CCDC60: variants seen among roughly 807,000 people sequenced by gnomAD.
CCDC60 encodes coiled-coil domain containing 60, also known as coiled-coil domain-containing protein 60.
Under a neutral mutation model 63.5 loss-of-function variants are expected in CCDC60, and 54 were observed. The observed-to-expected ratio is 0.85, with a 90% CI of 0.68 to 1.07. The LOEUF is 1.07. Among genes scored for constraint, CCDC60 ranks in the 50% least tolerant of loss-of-function variants. CCDC60 has a pLI of 0.00. For missense variants in CCDC60, 651 were observed against 684.3 expected (o/e 0.95, Z 0.54); for synonymous variants, 206 against 238.8 (o/e 0.86, Z 1.27).
chr12:119,358,763 A>G (rs886998439), intron 1 of CCDC60, among the ~76,000 whole-genome samples: 8 of 152,182 alleles, frequency 5.3e-5, no homozygotes, highest in African/African-American at 1.7e-4. Context: ...ATTTTTGTGC[A>G]TAACTGTCAT....
At chr12:119,462,611 G>C (rs1233280871) in intron 2 of CCDC60, among the ~76,000 whole-genome samples, 1 of 152,050 alleles carries the variant, frequency 6.6e-6, no homozygotes, top group South Asian at 2.1e-4. Flanking sequence ...AAATGACCGA[G>C]ATGCAGAGGT....
In CCDC60 at chr12:119,395,523, G is replaced by T. The variant is rs77144912; in HGVS notation, c.91-33160G>T. Reference sequence around the variant, plus strand: ...TGTGGTAACTCACTATCATGAGAACGGCACCAGAGGGGAAATCCACCCTCA... The same window carrying T: ...TGTGGTAACTCACTATCATGAGAACTGCACCAGAGGGGAAATCCACCCTCA... On this transcript the variant is annotated intron_variant, in intron 1 of 13. Transcript: ENST00000327554. Among the ~76,000 whole-genome samples, 1,149 of 152,228 alleles carry T rather than the reference G, an allele frequency of 7.5e-3. 16 individuals are homozygous for T. Among genetic ancestry groups the T allele is most frequent in the African/African-American group, 0.026 (1,095 of 41,520 alleles).
chr12:119,505,231 G>T lies in CCDC60; in HGVS notation c.811G>T (p.Val271Leu). The T allele has an allele frequency of 1.2e-6, 2 of 1,613,864 alleles. No individual in the cohort carries two copies. The highest frequency in any genetic ancestry group is 2.2e-5 in the South Asian group (2 of 91,078). Residue 271 changes from valine (V) to leucine (L), a missense_variant, in exon 7 of 14, where the codon GTG (valine) becomes TTG (leucine). Transcript: ENST00000327554. ...SDEPPSVNTQ[V>L]TSSKDIEDNE... is the part of the protein sequence containing the mutation. Reference sequence around the variant, plus strand: ...TGAGCCCCCAAGTGTGAACACCCAGGTGACCAGCAGCAAGGACATTGAGGA... The same window carrying T: ...TGAGCCCCCAAGTGTGAACACCCAGTTGACCAGCAGCAAGGACATTGAGGA...
chr12:119,521,548 A>T (rs1952530242), intron 9 of CCDC60, among the ~76,000 whole-genome samples: 1 of 152,138 alleles, frequency 6.6e-6, no homozygotes, highest in Non-Finnish European at 1.5e-5. Flanking sequence ...TGTTCCAAGC[A>T]GGGGGAATAG....
intron 2 of CCDC60, among the ~76,000 whole-genome samples, chr12:119,467,076 TATAA>T (rs1950966335): frequency 6.6e-6 from 1 of 152,232 alleles, no homozygotes; most frequent in African/African-American, 2.4e-5. Flanking sequence ...TAAAAGTGGG[TATAA>T]ATATGACTGC....
chr12:119,479,565 C>T lies in CCDC60; in HGVS notation c.449+364C>T, dbSNP rs1045949733. ...CCCCAAGACTCAAGGAGCTGTTTCC[C>T]AGAGAAGCCCATCCAGTTTTCTGAC... On this transcript the variant is annotated intron_variant, in intron 4 of 13. Coordinates refer to ENST00000327554, the MANE Select transcript of CCDC60 (RefSeq NM_178499.5). 2.4e-5 allele frequency: 5 copies of T among 211,672 alleles called. 1 individual carries two copies. The highest frequency in any genetic ancestry group is 2.8e-5 in the Non-Finnish European group (3 of 105,710). The allele number at this position is 211,672 out of a possible 1,614,324, so 13.1% of individuals were successfully genotyped here.
chr12:119,347,721 C>T (rs1167015843), intron 1 of CCDC60, among the ~76,000 whole-genome samples: 1 of 152,162 alleles, frequency 6.6e-6, no homozygotes, highest in African/African-American at 2.4e-5. Flanking sequence ...GAATACCATT[C>T]TAATACTTAC....
chr12:119,393,714 C>T (rs1181507651), intron 1 of CCDC60, among the ~76,000 whole-genome samples: 3 of 152,192 alleles, frequency 2.0e-5, no homozygotes, highest in African/African-American at 7.2e-5. Context: ...AGTGGCAACT[C>T]GTGCCCACAC....
At chr12:119,417,923 T>C (rs1956732188) in intron 1 of CCDC60, among the ~76,000 whole-genome samples, 1 of 152,122 alleles carries the variant, frequency 6.6e-6, no homozygotes, top group Non-Finnish European at 1.5e-5. Flanking sequence ...TTCACTGACA[T>C]TTACGGAAGA....
chr12:119,415,685 G>T (rs1373185420), intron 1 of CCDC60, among the ~76,000 whole-genome samples: 1 of 152,170 alleles, frequency 6.6e-6, no homozygotes, highest in Non-Finnish European at 1.5e-5. Context: ...GAAAAGACTG[G>T]AGAGCTCTCT....
chr12:119,512,584 T>C (rs1476498747), intron 7 of CCDC60, among the ~76,000 whole-genome samples: 1 of 152,210 alleles, frequency 6.6e-6, no homozygotes, highest in Non-Finnish European at 1.5e-5. Flanking sequence ...GATAGCATTC[T>C]TCCAGAACCC....
chr12:119,457,731 T>C (rs1950774755), intron 2 of CCDC60, among the ~76,000 whole-genome samples: 1 of 151,936 alleles, frequency 6.6e-6, no homozygotes, highest in African/African-American at 2.4e-5. Flanking sequence ...GGGAGAATAA[T>C]ACAACACATC....
intron 1 of CCDC60, among the ~76,000 whole-genome samples, chr12:119,417,771 C>A (rs1456434584): frequency 3.3e-5 from 5 of 152,198 alleles, no homozygotes; most frequent in Non-Finnish European, 7.3e-5. Flanking sequence ...GTAGGTTCTG[C>A]TGGGCCACAA....
intron 7 of CCDC60, among the ~76,000 whole-genome samples, chr12:119,509,039 C>G (rs1314445803): frequency 6.6e-6 from 1 of 152,034 alleles, no homozygotes; most frequent in East Asian, 1.9e-4. Context: ...CTCTAGGCAC[C>G]TGCAACACTG....
rs190247481 is a variant in CCDC60, at chr12:119,433,038, T to C, written c.170+4276T>C. Among the ~76,000 whole-genome samples, 17 of 152,318 alleles carry C rather than the reference T, an allele frequency of 1.1e-4. No individual in the cohort carries two copies. In the East Asian group the frequency reaches 2.5e-3, roughly 22 times the overall value. The stretch of plus-strand genomic sequence containing the variant: ...AACAAATCTCTTCCCAGCTCTGTGT[T>C]CACTGACGTCACCACTTTGGTAGCT... On this transcript the variant is annotated intron_variant, in intron 2 of 13. Transcript: ENST00000327554.
At chr12:119,364,342 C>G (rs1955819948) in intron 1 of CCDC60, among the ~76,000 whole-genome samples, 1 of 152,142 alleles carries the variant, frequency 6.6e-6, no homozygotes, top group South Asian at 2.1e-4. Context: ...TTTATAGTCC[C>G]CAAAAGACCT....
chr12:119,441,825 C>A lies in CCDC60; in HGVS notation c.170+13063C>A, dbSNP rs1168578968. 2.0e-5 allele frequency among the ~76,000 whole-genome samples: 3 copies of A among 152,256 alleles called. No individual in the cohort carries two copies. In the East Asian group the frequency reaches 5.8e-4, roughly 29 times the overall value. ...CATTTGGGTCATTTCCACTTTAAAG[C>A]CATTATGAATAAAGCTGCTATGAAC... is the stretch of plus-strand genomic sequence containing the variant. On this transcript the variant is annotated intron_variant, in intron 2 of 13. Coordinates refer to ENST00000327554, the MANE Select transcript of CCDC60 (RefSeq NM_178499.5).
chr12:119,477,897 C>T lies in CCDC60; in HGVS notation c.342-1197C>T, dbSNP rs1593144783. 2.0e-5 allele frequency among the ~76,000 whole-genome samples: 3 copies of T among 151,936 alleles called. No homozygotes were observed. In the South Asian group the frequency reaches 6.2e-4, roughly 32 times the overall value. ...AAAATACAGACAATTGATTCAATTG[C>T]ACACACGCACACACACACACACTCA... On this transcript the variant is annotated intron_variant, in intron 3 of 13. Coordinates refer to ENST00000327554, the MANE Select transcript of CCDC60 (RefSeq NM_178499.5).
chr12:119,424,198 A>G (rs1364469084), intron 1 of CCDC60, among the ~76,000 whole-genome samples: 3 of 152,202 alleles, frequency 2.0e-5, no homozygotes, highest in Non-Finnish European at 4.4e-5. Flanking sequence ...CAGATCACAT[A>G]CATTTCTGGA....
Sources: gnomAD v4.1 joint callset for allele counts (sites outside exome capture counted in the v4.1 genomes callset) on GRCh38, gnomAD v4.1.1 for gene constraint, MANE v1.5 for transcripts, NCBI Gene and HGNC (gene_info 2026-07-23, HGNC 2026-07-21) for gene names.